SCFD2: variants seen among roughly 807,000 people sequenced by gnomAD.
SCFD2 encodes sec1 family domain containing 2, also known as sec1 family domain-containing protein 2.
In SCFD2, 54 loss-of-function variants were observed where a neutral mutation model predicts 58.9. The ratio of observed to expected loss-of-function variants is 0.92; its 90% confidence interval spans 0.74 to 1.15. The LOEUF is 1.15. Ranked by LOEUF, SCFD2 falls within the 50% of genes most tolerant of loss-of-function variation. SCFD2 has a pLI of 0.00. For synonymous variants in SCFD2, 321 were observed against 335.9 expected (o/e 0.96, Z 0.49); for missense variants, 805 against 836.6 (o/e 0.96, Z 0.47).
At chr4:53,265,886 T>G (rs773980748) in intron 4 of SCFD2, among the ~76,000 whole-genome samples, 3 of 151,810 alleles carry the variant, frequency 2.0e-5, no homozygotes, top group African/African-American at 7.3e-5. Context: ...ACCACAGGCA[T>G]GCACCACCAC....
chr4:53,238,169 C>T (rs1729730931), intron 4 of SCFD2, among the ~76,000 whole-genome samples: 4 of 139,686 alleles, frequency 2.9e-5, no homozygotes, highest in East Asian at 2.4e-4. Flanking sequence ...GGTGGCTGGC[C>T]GGGCGGGGGG....
chr4:53,228,393 A>G (rs1264742889), intron 4 of SCFD2, among the ~76,000 whole-genome samples: 1 of 152,184 alleles, frequency 6.6e-6, no homozygotes, highest in Admixed American at 6.5e-5. Context: ...TCCTTCTTCT[A>G]CGACTCTTGG....
intron 3 of SCFD2, among the ~76,000 whole-genome samples, chr4:53,276,790 CA>C (rs972722041): frequency 6.6e-5 from 10 of 152,188 alleles, no homozygotes; most frequent in African/African-American, 2.4e-4. Flanking sequence ...CCACCAGCAA[CA>C]TATGAGAGTT....
intron 2 of SCFD2, among the ~76,000 whole-genome samples, chr4:53,334,047 T>C (rs1733592085): frequency 6.6e-6 from 1 of 151,908 alleles, no homozygotes; most frequent in Non-Finnish European, 1.5e-5. Context: ...AAAACCACAA[T>C]GAGATACCAT....
chr4:52,957,804 G>A (rs904757406), intron 5 of SCFD2: 1 of 152,252 alleles, frequency 6.6e-6, no homozygotes, highest in African/African-American at 2.4e-5. Flanking sequence ...CCCAGGTTTA[G>A]ATGAAAAACT....
intron 3 of SCFD2, among the ~76,000 whole-genome samples, chr4:53,301,572 A>G (rs1332745311): frequency 4.6e-5 from 7 of 152,208 alleles, no homozygotes; most frequent in East Asian, 1.9e-4. Flanking sequence ...ATCAATAGAA[A>G]AAGAGGGAAT....
intron 5 of SCFD2, among the ~76,000 whole-genome samples, chr4:53,130,355 A>C (rs1365511212): frequency 2.6e-5 from 4 of 152,336 alleles, no homozygotes; most frequent in African/African-American, 9.6e-5. Flanking sequence ...TATAAGTAAA[A>C]TATCAAACTC....
At chr4:53,127,467 TCA>T (rs992414089) in intron 5 of SCFD2, among the ~76,000 whole-genome samples, 1 of 152,112 alleles carries the variant, frequency 6.6e-6, no homozygotes, top group African/African-American at 2.4e-5. Flanking sequence ...TGAGCAAAAC[TCA>T]CAGAGTTTAT....
intron 4 of SCFD2, among the ~76,000 whole-genome samples, chr4:53,272,643 T>C (rs1359142425): frequency 1.3e-5 from 2 of 151,284 alleles, no homozygotes; most frequent in Non-Finnish European, 2.9e-5. Flanking sequence ...TAGGTGGGAA[T>C]TGAAAAATGA....
At chr4:53,247,235 AC>A (rs1730115507) in intron 4 of SCFD2, among the ~76,000 whole-genome samples, 1 of 152,220 alleles carries the variant, frequency 6.6e-6, no homozygotes, top group Non-Finnish European at 1.5e-5. Context: ...AATGGCTATT[AC>A]TAAAATGTCA....
At chr4:52,885,186 C>G (rs115088739) in intron 8 of SCFD2, among the ~76,000 whole-genome samples, 1 of 152,154 alleles carries the variant, frequency 6.6e-6, no homozygotes, top group African/African-American at 2.4e-5. Context: ...TTCCCACACT[C>G]CTCTGGCCCC....
At chr4:53,342,206 G>C (rs4385131) in intron 2 of SCFD2, among the ~76,000 whole-genome samples, 17,243 of 152,044 alleles carry the variant, frequency 0.11, 1,093 homozygotes, top group East Asian at 0.22. Context: ...CTGTATTCAC[G>C]AGACCCAACT....
intron 5 of SCFD2, among the ~76,000 whole-genome samples, chr4:53,097,545 T>C (rs1429995818): frequency 6.6e-6 from 1 of 152,236 alleles, no homozygotes; most frequent in Non-Finnish European, 1.5e-5. Context: ...AGAATGCTTG[T>C]GATTTTTGCA....
At chr4:53,292,686 C>A (rs1731880569) in intron 3 of SCFD2, among the ~76,000 whole-genome samples, 1 of 152,144 alleles carries the variant, frequency 6.6e-6, no homozygotes, top group Non-Finnish European at 1.5e-5. Context: ...TTTGACCCAG[C>A]AATCACATTA....
At chr4:53,343,257 A>G (rs1211171525) in intron 2 of SCFD2, among the ~76,000 whole-genome samples, 1 of 152,206 alleles carries the variant, frequency 6.6e-6, no homozygotes, top group Non-Finnish European at 1.5e-5. Context: ...GTGATGAAAA[A>G]TGATAAAGGG....
chr4:53,357,242 T>C (rs1358543055), intron 1 of SCFD2, among the ~76,000 whole-genome samples: 1 of 151,888 alleles, frequency 6.6e-6, no homozygotes, highest in African/African-American at 2.4e-5. Flanking sequence ...GCCAACATGG[T>C]AAAGCCCCAT....
rs568193952 is a variant in SCFD2, at chr4:53,324,451, T to C, written c.1008-10688A>G. Among the ~76,000 whole-genome samples, 5 of 138,610 alleles carry C rather than the reference T, an allele frequency of 3.6e-5. No individual in the cohort carries two copies. The Admixed American group carries it at 3.7e-4, about 10-fold the overall frequency. 90.9% of individuals were successfully genotyped at this position (138,610 alleles called of 152,430 possible). A position where few individuals can be genotyped will look rare whatever the true frequency, so the allele number is the denominator to read the frequency against. On this transcript the variant is annotated intron_variant, in intron 2 of 8. Coordinates refer to ENST00000401642, the MANE Select transcript of SCFD2 (RefSeq NM_152540.4). ...AAAAAAAAAAAAAAAGTATCCAGGA[T>C]ACATAGGGACAGAAATGACTGTCAA...
intron 2 of SCFD2, among the ~76,000 whole-genome samples, chr4:53,328,159 G>A (rs1733275004): frequency 2.7e-5 from 4 of 150,920 alleles, no homozygotes; most frequent in African/African-American, 7.3e-5. Context: ...AAAAAACAAA[G>A]AATGATCAAT....
chr4:53,206,101 T>C (rs2148973404), intron 4 of SCFD2, among the ~76,000 whole-genome samples: 1 of 152,256 alleles, frequency 6.6e-6, no homozygotes, highest in Non-Finnish European at 1.5e-5. Flanking sequence ...TTTATAGAGT[T>C]CAAATTTCAC....
Sources: gnomAD v4.1 joint callset for allele counts (sites outside exome capture counted in the v4.1 genomes callset) on GRCh38, gnomAD v4.1.1 for gene constraint, MANE v1.5 for transcripts, NCBI Gene and HGNC (gene_info 2026-07-23, HGNC 2026-07-21) for gene names.